Variants in KMT2C observed in about 807,000 individuals in gnomAD.
KMT2C encodes lysine methyltransferase 2C.
Under a neutral mutation model 507.9 loss-of-function variants are expected in KMT2C, and 88 were observed. The ratio of observed to expected loss-of-function variants is 0.17; its 90% CI spans 0.15 to 0.21. KMT2C has a LOEUF of 0.21. Ranked by LOEUF, KMT2C falls within the 10% of genes least tolerant of loss-of-function variation. KMT2C has a pLI of 1.00. For synonymous variants in KMT2C, 2,049 were observed against 2,080.8 expected, an observed-to-expected ratio of 0.98 and a Z score of 0.42; for missense variants, 4,954 against 5,957.8, an observed-to-expected ratio of 0.83 and a Z score of 5.55.
intron 1 of KMT2C, among the ~76,000 whole-genome samples, chr7:152,365,501 G>A (rs1015252138): frequency 7.2e-5 from 11 of 151,946 alleles, no homozygotes; most frequent in Non-Finnish European, 1.3e-4. Flanking sequence ...GTGAGACCCT[G>A]TCTCAAACAA....
chr7:152,205,252 T>C, intron 24 of KMT2C, 27 bp from the exon 25 acceptor site: 1 of 1,602,020 alleles, frequency 6.2e-7, no homozygotes, highest in Non-Finnish European at 8.5e-7. Context: ...TTAGGTAAAC[T>C]GATAAGTAAT....
At chr7:152,207,572 G>A in intron 23 of KMT2C, 144 bp from the exon 24 acceptor site, 1 of 691,296 alleles carries the variant, frequency 1.4e-6, no homozygotes, top group Non-Finnish European at 2.4e-6. Flanking sequence ...AAAGGAGATA[G>A]AAGAAGCCCC....
intron 2 of KMT2C, among the ~76,000 whole-genome samples, chr7:152,348,699 A>G (rs866595781): frequency 6.6e-6 from 1 of 152,096 alleles, no homozygotes. Context: ...GCAGATAAGC[A>G]TATGAACAGA....
rs76083612 is a variant in KMT2C at position 152,146,378 on chromosome 7, G to A, written c.14031+221C>T. 9.4e-3 allele frequency among the ~76,000 whole-genome samples: 1,425 copies of A among 152,278 alleles called. 29 individuals are homozygous for A. The highest frequency in any genetic ancestry group is 0.032 in the African/African-American group (1,338 of 41,550). On this transcript the variant is annotated intron_variant, in intron 53 of 58. Transcript: ENST00000262189. ...TTCACCCCTGCTTGCCTCCAGCCTG[G>A]AAGAGAACCTGAAGTTGGTTAACTA...
intron 1 of KMT2C, among the ~76,000 whole-genome samples, chr7:152,386,834 T>C (rs1319584188): frequency 6.6e-6 from 1 of 152,138 alleles, no homozygotes; most frequent in Non-Finnish European, 1.5e-5. Flanking sequence ...CATGGTCAAT[T>C]ACTCAATGGT....
rs372299327 is a variant in KMT2C at position 152,309,450 on chromosome 7, A to G, written c.849+516T>C. Among the ~76,000 whole-genome samples the G allele has an allele frequency of 9.0e-4, 134 of 149,490 alleles. 1 individual carries two copies. Among genetic ancestry groups the G allele is most frequent in the African/African-American group, 3.1e-3 (126 of 40,424 alleles). ...GCAATCTTCCCACCTCAGCACCCCAAGTTGCTGGGTCTACACATGTGCACC... is the reference window on the plus strand; with the variant it reads ...GCAATCTTCCCACCTCAGCACCCCAGGTTGCTGGGTCTACACATGTGCACC... On this transcript the variant is annotated intron_variant, in intron 6 of 58. Transcript: ENST00000262189.
intron 23 of KMT2C, among the ~76,000 whole-genome samples, chr7:152,211,048 A>G (rs1438608982): frequency 7.2e-6 from 1 of 139,410 alleles, no homozygotes; most frequent in Non-Finnish European, 1.5e-5. Flanking sequence ...AGTGCCTAAC[A>G]AAACAGATTT....
At chr7:152,354,416 G>A (rs947884611) in intron 2 of KMT2C, among the ~76,000 whole-genome samples, 1 of 152,124 alleles carries the variant, frequency 6.6e-6, no homozygotes, top group Non-Finnish European at 1.5e-5. Flanking sequence ...CTTGGCACTG[G>A]GGATAAATAA....
intron 37 of KMT2C, 91 bp from the exon 38 acceptor site, chr7:152,178,101 A>C: frequency 7.9e-7 from 1 of 1,262,842 alleles, no homozygotes. Flanking sequence ...GTCTTCAATT[A>C]AACTGTACAT....
intron 16 of KMT2C, among the ~76,000 whole-genome samples, chr7:152,234,363 C>G (rs1588452295): frequency 6.6e-6 from 1 of 150,786 alleles, no homozygotes; most frequent in Non-Finnish European, 1.5e-5. Flanking sequence ...GCCTAGGCAA[C>G]AAGAGCGAAA....
chr7:152,156,046 G>C lies in KMT2C; in HGVS notation c.11824C>G (p.Leu3942Val), dbSNP rs2129099688. The C allele has an allele frequency of 1.3e-6, 2 of 1,599,618 alleles. No individual in the cohort carries two copies. Among genetic ancestry groups the C allele is most frequent in the African/African-American group, 1.4e-5 (1 of 73,730 alleles). ...GGCAGCTGAAATGGTTTAGGTCCTA[G>C]AGTTTTGGTAACTGGAAAAGCAAAA... ...VLVSHEVTKT[L>V]GPKPFQLPFR... The change falls in exon 46 of 59, where the codon CTA (leucine) becomes GTA (valine). Residue 3942 changes from leucine to valine, a missense_variant. Transcript: ENST00000262189.
Position 152,177,582 on chromosome 7 carries a change from T to A in KMT2C, c.7871A>T (p.Asp2624Val), listed in dbSNP as rs1450573615. ...GLPNQLPVHP[D>V]LEQVPPSQQE... is the part of the protein sequence containing the mutation. ...TTGAGATGGTGGCACTTGTTCCAAA[T>A]CTGGGTGCACAGGTAGCTGATTAGG... Residue 2624 changes from aspartate (D) to valine (V), a missense_variant, in exon 38 of 59, where the codon GAT (aspartate) becomes GTT (valine). Physicochemically the swap from Asp to Val is radical, Grantham distance 152. Coordinates refer to ENST00000262189, the MANE Select transcript of KMT2C (RefSeq NM_170606.3). The A allele has an allele frequency of 1.2e-6, 2 of 1,614,176 alleles. No homozygotes were observed.
At chr7:152,245,919 A>G (rs2095464580) in intron 14 of KMT2C, among the ~76,000 whole-genome samples, 1 of 152,220 alleles carries the variant, frequency 6.6e-6, no homozygotes, top group Non-Finnish European at 1.5e-5. Flanking sequence ...CATCACAATC[A>G]CAGCCAGGAA....
At chr7:152,195,480 G>A in intron 28 of KMT2C, 1 of 932,598 alleles carries the variant, frequency 1.1e-6, no homozygotes, top group Non-Finnish European at 1.3e-6. Context: ...AAAAAAAGAA[G>A]ACTACTTCTA....
At position 152,230,170 on chromosome 7, in the gene KMT2C, T is replaced by C. The variant is rs535163094; in HGVS notation, c.2871+50A>G. On this transcript the variant is annotated intron_variant, in intron 17 of 58. Transcript: ENST00000262189. Reference sequence around the variant, plus strand: ...CTGTGTATATGAGATAAAGCAGAAATGTGCAAGGAGGAATTCAATGAGGAA... The same window carrying C: ...CTGTGTATATGAGATAAAGCAGAAACGTGCAAGGAGGAATTCAATGAGGAA... 3.4e-5 allele frequency: 39 copies of C among 1,130,758 alleles called. No homozygotes were observed. The Admixed American group carries it at 4.4e-4, about 13-fold the overall frequency. 70.0% of individuals were successfully genotyped at this position (1,130,758 alleles called of 1,614,324 possible).
chr7:152,220,579 G>C lies in KMT2C; in HGVS notation c.3656C>G (p.Thr1219Ser). The C allele has an allele frequency of 6.2e-7, 1 of 1,611,876 alleles. No homozygotes were observed. The highest frequency in any genetic ancestry group is 8.5e-7 in the Non-Finnish European group (1 of 1,179,764). ...INQNSVAVLQ[T>S]PPDIQSEHSR... ...ATGCTCTGATTGGATGTCTGGAGGG[G>C]TCTGAAGGACGGCCACGCTATTCTG... is the stretch of plus-strand genomic sequence containing the variant. The change falls in exon 23 of 59, where the codon ACC becomes AGC. Residue 1219 changes from threonine (T) to serine (S), a missense_variant. By Grantham distance (58) the Thr-to-Ser change is moderately conservative. Around this residue, in one of 29 missense-constraint regions of KMT2C, gnomAD observed 176 missense variants for 262.0 expected, o/e 0.67. Coordinates refer to ENST00000262189, the MANE Select transcript of KMT2C (RefSeq NM_170606.3).
intron 2 of KMT2C, among the ~76,000 whole-genome samples, chr7:152,333,697 G>A (rs1388503528): frequency 6.6e-6 from 1 of 152,066 alleles, no homozygotes; most frequent in African/African-American, 2.4e-5. Flanking sequence ...AAAGTATTTT[G>A]AAAAACAATT....
At chr7:152,418,549 G>C (rs1394055173) in intron 1 of KMT2C, among the ~76,000 whole-genome samples, 1 of 151,994 alleles carries the variant, frequency 6.6e-6, no homozygotes, top group Non-Finnish European at 1.5e-5. Context: ...TCCTGCCTCA[G>C]CCTCCTGAGC....
chr7:152,390,732 G>A (rs1034345210), intron 1 of KMT2C, among the ~76,000 whole-genome samples: 3 of 152,026 alleles, frequency 2.0e-5, no homozygotes, highest in East Asian at 1.9e-4. Context: ...ATCCCATGCC[G>A]TTTGATATTA....
Sources: allele counts gnomAD v4.1 joint callset (sites outside exome capture counted in the v4.1 genomes callset), GRCh38; gene constraint gnomAD v4.1.1; regional missense constraint gnomAD v4.1.1; transcripts MANE v1.5; gene names NCBI Gene and HGNC (gene_info 2026-07-23, HGNC 2026-07-21).